Variants in FGF12 observed in about 807,000 individuals in gnomAD.
The protein encoded by FGF12 is fibroblast growth factor 12B.
A neutral mutation model predicts 23.6 loss-of-function variants in FGF12; 14 were observed. That is an observed-to-expected ratio of 0.59 (90% CI 0.39 to 0.93). FGF12 has a LOEUF of 0.93. Among genes scored for constraint, FGF12 ranks in the 40% least tolerant of loss-of-function variants. The pLI is 0.00. For missense variants in FGF12, 175 were observed against 217.8 expected (o/e 0.80, Z 1.24); for synonymous variants, 62 against 77.3 (o/e 0.80, Z 1.04).
intron 2 of FGF12, chr3:192,521,453 A>C (rs1724809696): frequency 6.6e-6 from 1 of 152,228 alleles, no homozygotes; most frequent in Admixed American, 6.5e-5. Context: ...TCATAGTAAA[A>C]TATGAGCTGT....
At chr3:192,266,900 T>C (rs1377583229) in intron 4 of FGF12, 1 of 151,976 alleles carries the variant, frequency 6.6e-6, no homozygotes. Flanking sequence ...AAAAAATCTA[T>C]GAAGTGACTT....
At chr3:192,253,293 A>C (rs1029146388) in intron 4 of FGF12, among the ~76,000 whole-genome samples, 1 of 152,106 alleles carries the variant, frequency 6.6e-6, no homozygotes, top group African/African-American at 2.4e-5. Flanking sequence ...GCTCCTAGAC[A>C]TGGAACTAAT....
chr3:192,403,338 A>G (rs1381164310), intron 2 of FGF12, among the ~76,000 whole-genome samples: 1 of 152,212 alleles, frequency 6.6e-6, no homozygotes, highest in Non-Finnish European at 1.5e-5. Context: ...AACTTTAAAG[A>G]CTTAATCTCG....
chr3:192,224,210 G>A (rs531026869), intron 4 of FGF12, among the ~76,000 whole-genome samples: 7 of 152,234 alleles, frequency 4.6e-5, no homozygotes, highest in South Asian at 2.1e-4. Flanking sequence ...TCAGCAAAAC[G>A]GTGCTGGAGA....
intron 3 of FGF12, among the ~76,000 whole-genome samples, chr3:192,342,395 T>C (rs983541528): frequency 6.6e-6 from 1 of 151,964 alleles, no homozygotes; most frequent in African/African-American, 2.4e-5. Context: ...GGTAGGAGTA[T>C]GTGTGTGTGT....
At chr3:192,494,843 T>C (rs1332970832) in intron 2 of FGF12, among the ~76,000 whole-genome samples, 7 of 12,908 alleles carry the variant, frequency 5.4e-4, no homozygotes, top group Admixed American at 1.5e-3. Context: ...GGCCTATGCA[T>C]ATATATATAT....
chr3:192,291,140 G>A (rs1453308247), intron 4 of FGF12, among the ~76,000 whole-genome samples: 1 of 152,026 alleles, frequency 6.6e-6, no homozygotes, highest in African/African-American at 2.4e-5. Context: ...TTATCTTCTG[G>A]TGATTTACTA....
At chr3:192,395,703 A>G (rs936427154) in intron 2 of FGF12, among the ~76,000 whole-genome samples, 5 of 152,212 alleles carry the variant, frequency 3.3e-5, no homozygotes, top group African/African-American at 1.2e-4. Flanking sequence ...CGCAGACAAC[A>G]GTGCAGGGTA....
At chr3:192,504,273 AC>A (rs1724228676) in intron 2 of FGF12, among the ~76,000 whole-genome samples, 1 of 152,148 alleles carries the variant, frequency 6.6e-6, no homozygotes, top group Admixed American at 6.5e-5. Context: ...AATAACCTGT[AC>A]CCCAAATCCC....
chr3:192,476,226 T>G (rs1723320038), intron 2 of FGF12, among the ~76,000 whole-genome samples: 2 of 152,094 alleles, frequency 1.3e-5, no homozygotes, highest in African/African-American at 4.8e-5. Flanking sequence ...TCTTGAAACT[T>G]TTTTCTGCAT....
At position 192,663,913 on chromosome 3, in the gene FGF12, C is replaced by T. The variant is rs140228440; in HGVS notation, c.13+63268G>A. Among the ~76,000 whole-genome samples, 588 of 152,290 alleles carry T rather than the reference C, an allele frequency of 3.9e-3. 8 individuals carry two copies. The highest frequency in any genetic ancestry group is 0.013 in the African/African-American group (554 of 41,560). ...GCAATTAGTCTAGCATTTTCACATG[C>T]ATTATATAATCCCATTAGACAGACA... is the stretch of plus-strand genomic sequence containing the variant. On this transcript the variant is annotated intron_variant, in intron 2 of 5. Coordinates refer to ENST00000445105, the MANE Select transcript of FGF12 (RefSeq NM_004113.6).
At chr3:192,294,415 G>C (rs1432015046) in intron 4 of FGF12, among the ~76,000 whole-genome samples, 1 of 152,090 alleles carries the variant, frequency 6.6e-6, no homozygotes, top group Non-Finnish European at 1.5e-5. Flanking sequence ...TAGGAGTTAG[G>C]ATTTCAACAT....
intron 4 of FGF12, among the ~76,000 whole-genome samples, chr3:192,310,702 C>T (rs901337397): frequency 1.3e-5 from 2 of 152,160 alleles, no homozygotes; most frequent in Admixed American, 6.5e-5. Context: ...TGTACCACCT[C>T]ATTAAGAGAT....
At chr3:192,168,647 C>T (rs1401758813) in intron 5 of FGF12, among the ~76,000 whole-genome samples, 2 of 152,180 alleles carry the variant, frequency 1.3e-5, no homozygotes, top group African/African-American at 4.8e-5. Context: ...TCTTCTTTGT[C>T]TTTATAGTTT....
intron 2 of FGF12, among the ~76,000 whole-genome samples, chr3:192,519,772 ATTCAG>A (rs1724770702): frequency 6.6e-6 from 1 of 152,140 alleles, no homozygotes; most frequent in Non-Finnish European, 1.5e-5. Context: ...TTATTTATGT[ATTCAG>A]TTATTTATTT....
rs550419923 is a variant in FGF12 at position 192,565,782 on chromosome 3, T to C, written c.13+161399A>G. On this transcript the variant is annotated intron_variant, in intron 2 of 5. Transcript: ENST00000445105. ...CAATGAATTTCTCAGAACATATCCC[T>C]GTCATTAAGAGACGCATGACTGGGC... Among the ~76,000 whole-genome samples, 38 of 152,324 alleles carry C rather than the reference T, an allele frequency of 2.5e-4. 1 individual carries two copies. The South Asian group carries it at 3.9e-3, about 16-fold the overall frequency.
At chr3:192,230,391 C>T (rs796475981) in intron 4 of FGF12, among the ~76,000 whole-genome samples, 5 of 152,078 alleles carry the variant, frequency 3.3e-5, no homozygotes, top group East Asian at 3.9e-4. Flanking sequence ...TTGTTTTTTG[C>T]ATCACTGAAG....
At chr3:192,235,695 G>A (rs1401887654) in intron 4 of FGF12, among the ~76,000 whole-genome samples, 1 of 151,916 alleles carries the variant, frequency 6.6e-6, no homozygotes, top group African/African-American at 2.4e-5. Context: ...ACCTCTGTGG[G>A]GTCAGTAGTA....
intron 2 of FGF12, among the ~76,000 whole-genome samples, chr3:192,600,407 A>T (rs1714065835): frequency 1.3e-5 from 2 of 151,910 alleles, no homozygotes; most frequent in South Asian, 2.1e-4. Context: ...TTTTATGATT[A>T]AAAAAAATCC....
Sources: gnomAD v4.1 joint callset for allele counts (sites outside exome capture counted in the v4.1 genomes callset) on GRCh38, gnomAD v4.1.1 for gene constraint, MANE v1.5 for transcripts, NCBI Gene and HGNC (gene_info 2026-07-23, HGNC 2026-07-21) for gene names.